The following RAB6A variants were observed in gnomAD, a reference collection of about 807,000 sequenced individuals.
RAB6A encodes ras-related protein Rab-6A.
In RAB6A, 8 loss-of-function variants were observed where a neutral mutation model predicts 32.3. The ratio of observed to expected loss-of-function variants is 0.25; its 90% CI spans 0.15 to 0.45. The LOEUF is 0.45. Among genes scored for constraint, RAB6A ranks in the 20% least tolerant of loss-of-function variants. The pLI is 1.00. For missense variants in RAB6A, 104 were observed against 249.4 expected, an observed-to-expected ratio of 0.42 and a Z score of 3.93; for synonymous variants, 73 against 82.1, an observed-to-expected ratio of 0.89 and a Z score of 0.60.
At chr11:73,679,940 A>AAC (rs1945328599) in intron 6 of RAB6A, among the ~76,000 whole-genome samples, 1 of 151,962 alleles carries the variant, frequency 6.6e-6, no homozygotes. Context: ...ACAAAAAAAA[A>AAC]CACAAAAATT....
At chr11:73,730,877 C>T (rs934996100) in intron 1 of RAB6A, 54 bp from the exon 2 acceptor site, 6 of 1,406,840 alleles carry the variant, frequency 4.3e-6, no homozygotes, top group Non-Finnish European at 5.8e-6. Flanking sequence ...ATTGGGTTCT[C>T]AGAAAATTTT....
At chr11:73,730,709 T>A (rs772520791) in intron 2 of RAB6A, 56 bp downstream of exon 2, 1 of 1,370,994 alleles carries the variant, frequency 7.3e-7, no homozygotes, top group Non-Finnish European at 1.0e-6. Context: ...AAAAATATCT[T>A]GAATATTACT....
At chr11:73,734,108 G>T (rs1946358298) in intron 1 of RAB6A, among the ~76,000 whole-genome samples, 2 of 152,026 alleles carry the variant, frequency 1.3e-5, no homozygotes, top group African/African-American at 4.8e-5. Context: ...TAACGGAGAA[G>T]AATTTACCCA....
Position 73,677,893 on chromosome 11 carries a change from G to C in RAB6A, c.*5C>G, listed in dbSNP as rs1464642580. 6.2e-7 allele frequency: 1 copy of C among 1,614,042 alleles called. No homozygotes were observed. Among genetic ancestry groups the C allele is most frequent in the Non-Finnish European group, 8.5e-7 (1 of 1,180,024 alleles). The stretch of plus-strand genomic sequence containing the variant: ...TCTGAAGAAGGTTGAAGATGACATG[G>C]GAGATTAGCAGGAACAGCCTCCTTC... On this transcript the variant is annotated 3_prime_UTR_variant, in exon 8 of 8. Coordinates refer to ENST00000336083, the MANE Select transcript of RAB6A (RefSeq NM_198896.2).
intron 1 of RAB6A, among the ~76,000 whole-genome samples, chr11:73,752,372 TTTG>T (rs1359303424): frequency 1.3e-5 from 2 of 152,140 alleles, no homozygotes; most frequent in East Asian, 3.9e-4. Flanking sequence ...ATGAGAATCG[TTTG>T]AACCCGGGAG....
At chr11:73,683,336 G>A (rs1003293787) in intron 6 of RAB6A, among the ~76,000 whole-genome samples, 2 of 142,434 alleles carry the variant, frequency 1.4e-5, no homozygotes, top group Non-Finnish European at 3.0e-5. Context: ...GCTCCCTGAG[G>A]TCTCGACCTC....
chr11:73,714,209 A>AT (rs1555059762), intron 5 of RAB6A, among the ~76,000 whole-genome samples: 4,118 of 57,142 alleles, frequency 0.072, 105 homozygotes, highest in East Asian at 0.18. Flanking sequence ...AAAAAAAAAA[A>AT]ATATATATAT....
At chr11:73,748,949 A>T (rs549749750) in intron 1 of RAB6A, among the ~76,000 whole-genome samples, 220 of 151,820 alleles carry the variant, frequency 1.4e-3, no homozygotes, top group Admixed American at 3.0e-3. Flanking sequence ...ATATGATGAC[A>T]CCCCGTCTCT....
intron 6 of RAB6A, among the ~76,000 whole-genome samples, chr11:73,681,092 G>A (rs1945349514): frequency 6.6e-6 from 1 of 152,114 alleles, no homozygotes; most frequent in South Asian, 2.1e-4. Flanking sequence ...ATGCATATGT[G>A]CTGTAACTCC....
chr11:73,715,128 C>T (rs1162062962), intron 5 of RAB6A, among the ~76,000 whole-genome samples: 1 of 152,052 alleles, frequency 6.6e-6, no homozygotes, highest in Non-Finnish European at 1.5e-5. Flanking sequence ...AACTGTACTA[C>T]CAATTCTTTT....
chr11:73,731,796 C>G (rs1003915415), intron 1 of RAB6A, among the ~76,000 whole-genome samples: 2 of 145,188 alleles, frequency 1.4e-5, no homozygotes, highest in Non-Finnish European at 3.0e-5. Context: ...GGCTGGAGTA[C>G]AGCGGGAAGA....
intron 2 of RAB6A, among the ~76,000 whole-genome samples, chr11:73,726,490 G>A (rs1442952239): frequency 6.8e-6 from 1 of 146,772 alleles, no homozygotes; most frequent in Non-Finnish European, 1.5e-5. Context: ...GCTGAGGCAG[G>A]AGAATGGCGT....
chr11:73,745,197 A>C (rs1209953345), intron 1 of RAB6A, among the ~76,000 whole-genome samples: 2 of 152,192 alleles, frequency 1.3e-5, no homozygotes, highest in Non-Finnish European at 2.9e-5. Context: ...TTACTAGTTT[A>C]CCTCTCTCAA....
At chr11:73,755,835 G>A (rs1946740481) in intron 1 of RAB6A, among the ~76,000 whole-genome samples, 1 of 148,096 alleles carries the variant, frequency 6.8e-6, no homozygotes, top group Non-Finnish European at 1.5e-5. Context: ...GGAGAAGGGG[G>A]AAGGAAGAGA....
chr11:73,744,197 G>A (rs929058170), intron 1 of RAB6A, among the ~76,000 whole-genome samples: 1 of 151,886 alleles, frequency 6.6e-6, no homozygotes, highest in African/African-American at 2.4e-5. Flanking sequence ...AATTAGCCGG[G>A]CATGGTGGTG....
At chr11:73,710,640 A>G (rs368469602) in intron 5 of RAB6A, among the ~76,000 whole-genome samples, 33 of 152,140 alleles carry the variant, frequency 2.2e-4, no homozygotes, top group African/African-American at 7.7e-4. Context: ...AGGAGGCTGA[A>G]GCAGGAGAAT....
intron 6 of RAB6A, 49 bp downstream of exon 6, chr11:73,707,371 A>C: frequency 7.3e-7 from 1 of 1,361,384 alleles, no homozygotes; most frequent in Non-Finnish European, 1.0e-6. Flanking sequence ...TAGAATACTC[A>C]CACAATTATT....
At chr11:73,705,591 T>C (rs188047114) in intron 6 of RAB6A, among the ~76,000 whole-genome samples, 105 of 151,484 alleles carry the variant, frequency 6.9e-4, no homozygotes, top group Admixed American at 5.8e-3. Context: ...ATATAAGAAA[T>C]AGAAAAGAGA....
intron 1 of RAB6A, among the ~76,000 whole-genome samples, chr11:73,744,783 T>C (rs1424971832): frequency 6.6e-6 from 1 of 152,016 alleles, no homozygotes; most frequent in Non-Finnish European, 1.5e-5. Flanking sequence ...GAGACCATCC[T>C]GGCCAACATG....
Sources: gnomAD v4.1 joint callset for allele counts (sites outside exome capture counted in the v4.1 genomes callset) on GRCh38, gnomAD v4.1.1 for gene constraint, MANE v1.5 for transcripts, NCBI Gene and HGNC (gene_info 2026-07-23, HGNC 2026-07-21) for gene names.